RBMS3: variants seen among roughly 807,000 people sequenced by gnomAD.
RBMS3 encodes RNA-binding motif, single-stranded-interacting protein 3.
A neutral mutation model predicts 66.8 loss-of-function variants in RBMS3; 27 were observed. That is an observed-to-expected ratio of 0.40 (90% confidence interval 0.30 to 0.56). The LOEUF (loss-of-function observed/expected upper bound fraction) is 0.56, where lower values mean the gene tolerates loss of function less well. Ranked by LOEUF, RBMS3 falls within the 20% of genes least tolerant of loss-of-function variation. The probability of loss-of-function intolerance (pLI) is 0.40; values close to 1 mark genes in which losing one functional copy is unlikely to be tolerated. For missense variants in RBMS3, 513 were observed against 549.5 expected, an observed-to-expected ratio of 0.93 and a Z score of 0.66; for synonymous variants, 188 against 183.0, an observed-to-expected ratio of 1.03 and a Z score of -0.22.
intron 4 of RBMS3, among the ~76,000 whole-genome samples, chr3:29,639,589 T>C (rs1227611976): frequency 8.8e-6 from 1 of 113,824 alleles, no homozygotes; most frequent in Non-Finnish European, 1.8e-5. Context: ...AGATAGAAGA[T>C]AGACAGAGAG....
intron 6 of RBMS3, among the ~76,000 whole-genome samples, chr3:29,817,045 C>T (rs780221615): frequency 9.2e-5 from 14 of 151,950 alleles, no homozygotes; most frequent in Non-Finnish European, 8.8e-5. Flanking sequence ...GAGCCGAGAT[C>T]GAACCACTGC....
chr3:29,906,303 A>C (rs1483904799), intron 10 of RBMS3, among the ~76,000 whole-genome samples: 2 of 152,108 alleles, frequency 1.3e-5, no homozygotes, highest in Admixed American at 6.6e-5. Flanking sequence ...TGGAAAGTCC[A>C]AGAGCTTGAT....
At chr3:29,387,748 AAAAT>A (rs61674233) in intron 1 of RBMS3, among the ~76,000 whole-genome samples, 6 of 151,960 alleles carry the variant, frequency 3.9e-5, no homozygotes, top group South Asian at 2.1e-4. Flanking sequence ...TAAAAAATAC[AAAAT>A]AAATAAATAA....
At chr3:29,813,093 A>G (rs574094332) in intron 6 of RBMS3, among the ~76,000 whole-genome samples, 1 of 152,260 alleles carries the variant, frequency 6.6e-6, no homozygotes, top group East Asian at 1.9e-4. Context: ...CTTTTATTAG[A>G]CATAAATGAT....
chr3:29,621,277 T>C (rs978922300), intron 4 of RBMS3, among the ~76,000 whole-genome samples: 2 of 152,116 alleles, frequency 1.3e-5, no homozygotes, highest in South Asian at 4.1e-4. Context: ...GGGGCAGAAC[T>C]TTAAACTCTT....
intron 4 of RBMS3, among the ~76,000 whole-genome samples, chr3:29,640,647 TTTTA>T (rs2049667989): frequency 6.6e-6 from 1 of 151,998 alleles, no homozygotes; most frequent in Non-Finnish European, 1.5e-5. Flanking sequence ...GAGGAAAACA[TTTTA>T]ATGATTTTAC....
chr3:29,567,776 C>T (rs978159777), intron 3 of RBMS3, among the ~76,000 whole-genome samples: 10 of 152,028 alleles, frequency 6.6e-5, no homozygotes, highest in African/African-American at 1.9e-4. Context: ...CTCAACTGGC[C>T]GATTACCTAG....
chr3:29,663,843 T>C (rs899396387), intron 4 of RBMS3, among the ~76,000 whole-genome samples: 3 of 152,212 alleles, frequency 2.0e-5, no homozygotes, highest in Non-Finnish European at 4.4e-5. Flanking sequence ...TTTTGTCCAT[T>C]AGTTCAAGGC....
chr3:29,775,806 A>G (rs538798703), intron 6 of RBMS3, among the ~76,000 whole-genome samples: 1 of 152,026 alleles, frequency 6.6e-6, no homozygotes, highest in Non-Finnish European at 1.5e-5. Context: ...AACTAATTGA[A>G]CACTGTATAT....
chr3:29,741,602 A>G (rs1363336993), intron 5 of RBMS3, among the ~76,000 whole-genome samples: 1 of 152,210 alleles, frequency 6.6e-6, no homozygotes, highest in Non-Finnish European at 1.5e-5. Context: ...ATTCATTAAG[A>G]GCACATATTT....
chr3:29,598,540 T>C lies in RBMS3; in HGVS notation c.399+11335T>C, dbSNP rs150732873. On this transcript the variant is annotated intron_variant, in intron 4 of 14. Transcript: ENST00000383767. ...TACAAAAGTCCTGTTTTTCTTATTCTCTCTCCCTTACTTAACTTCTAGAAG... is the reference window on the plus strand; with the variant it reads ...TACAAAAGTCCTGTTTTTCTTATTCCCTCTCCCTTACTTAACTTCTAGAAG... Among the ~76,000 whole-genome samples the C allele has an allele frequency of 5.7e-3, 863 of 152,178 alleles. 28 individuals carry two copies. Among genetic ancestry groups the C allele is most frequent in the Admixed American group, 0.054 (829 of 15,246 alleles).
chr3:29,668,256 A>G (rs1422386709), intron 4 of RBMS3, among the ~76,000 whole-genome samples: 1 of 152,208 alleles, frequency 6.6e-6, no homozygotes, highest in African/African-American at 2.4e-5. Flanking sequence ...ACTTCCCCTA[A>G]GGTTGGCCAA....
At chr3:29,693,350 C>A (rs1391528920) in intron 4 of RBMS3, among the ~76,000 whole-genome samples, 1 of 152,060 alleles carries the variant, frequency 6.6e-6, no homozygotes, top group Non-Finnish European at 1.5e-5. Flanking sequence ...GTGTTTCATG[C>A]CTGAGGAATA....
At chr3:29,749,763 A>G (rs1005423921) in intron 5 of RBMS3, among the ~76,000 whole-genome samples, 2 of 152,186 alleles carry the variant, frequency 1.3e-5, no homozygotes, top group East Asian at 1.9e-4. Context: ...TCTAAAGTCA[A>G]CTTCAATTCC....
At chr3:29,816,301 G>GACAC (rs1272764498) in intron 6 of RBMS3, among the ~76,000 whole-genome samples, 4 of 135,848 alleles carry the variant, frequency 2.9e-5, no homozygotes, top group Non-Finnish European at 6.3e-5. Context: ...GACACACACA[G>GACAC]ACACACACAG....
At chr3:29,995,095 A>T (rs1233069988) in intron 14 of RBMS3, among the ~76,000 whole-genome samples, 1 of 152,246 alleles carries the variant, frequency 6.6e-6, no homozygotes. Context: ...GATGGAGCTG[A>T]AAACCAAGGC....
chr3:29,368,168 T>G (rs1179945711), intron 1 of RBMS3, among the ~76,000 whole-genome samples: 6 of 152,116 alleles, frequency 3.9e-5, no homozygotes, highest in Admixed American at 1.3e-4. Flanking sequence ...AATTGAGAAG[T>G]TTTATCCTGA....
chr3:29,676,690 AC>A (rs1194813616), intron 4 of RBMS3, among the ~76,000 whole-genome samples: 1 of 152,174 alleles, frequency 6.6e-6, no homozygotes, highest in Non-Finnish European at 1.5e-5. Context: ...GATTTTGTCA[AC>A]CAGTAGCTTT....
At chr3:29,976,736 TAATC>T (rs149827459) in intron 12 of RBMS3, among the ~76,000 whole-genome samples, 24 of 152,244 alleles carry the variant, frequency 1.6e-4, no homozygotes, top group African/African-American at 5.1e-4. Flanking sequence ...ACTAATTAAT[TAATC>T]AAAGCAAGCA....
Sources: allele counts gnomAD v4.1 joint callset (sites outside exome capture counted in the v4.1 genomes callset), GRCh38; gene constraint gnomAD v4.1.1; transcripts MANE v1.5; gene names NCBI Gene and HGNC (gene_info 2026-07-23, HGNC 2026-07-21).